The following SCN8A variants were observed in gnomAD, a reference collection of about 807,000 sequenced individuals.
SCN8A encodes the protein sodium voltage-gated channel alpha subunit 8, also known as sodium channel protein type 8 subunit alpha.
Under a neutral mutation model 184.1 loss-of-function variants are expected in SCN8A, and 30 were observed. That is an observed-to-expected ratio of 0.16 (90% CI 0.12 to 0.22). The LOEUF is 0.22. SCN8A is among the 10% of genes least tolerant of loss of function. The probability of loss-of-function intolerance (pLI) is 1.00; values close to 1 mark genes in which losing one functional copy is unlikely to be tolerated. For synonymous variants in SCN8A, 852 were observed against 907.0 expected, an observed-to-expected ratio of 0.94 and a Z score of 1.09; for missense variants, 1,057 against 2,498.9, an observed-to-expected ratio of 0.42 and a Z score of 12.30.
intron 8 of SCN8A, among the ~76,000 whole-genome samples, chr12:51,701,930 TGA>T (rs1435075478): frequency 6.6e-6 from 1 of 152,184 alleles, no homozygotes; most frequent in Non-Finnish European, 1.5e-5. Flanking sequence ...GAAAGAAATA[TGA>T]GATGAATCTA....
At chr12:51,620,491 ACT>A (rs776194044) in intron 1 of SCN8A, among the ~76,000 whole-genome samples, 21 of 152,068 alleles carry the variant, frequency 1.4e-4, no homozygotes, top group East Asian at 9.7e-4. Flanking sequence ...TCTTTATATA[ACT>A]CTATATTTGA....
intron 1 of SCN8A, among the ~76,000 whole-genome samples, chr12:51,613,180 A>T (rs957523586): frequency 3.3e-5 from 5 of 152,160 alleles, no homozygotes; most frequent in African/African-American, 1.2e-4. Context: ...CTTTAACATT[A>T]AAAAAATATT....
intron 6 of SCN8A, among the ~76,000 whole-genome samples, chr12:51,694,306 G>A (rs1941558726): frequency 1.3e-5 from 2 of 152,176 alleles, no homozygotes; most frequent in African/African-American, 4.8e-5. Flanking sequence ...TGATTTTTCT[G>A]GACATAGCAC....
chr12:51,792,456 T>G (rs1307630044), intron 25 of SCN8A, among the ~76,000 whole-genome samples: 1 of 122,750 alleles, frequency 8.1e-6, no homozygotes, highest in African/African-American at 3.2e-5. Context: ...GCCACTGCAC[T>G]CCAGCCTGGG....
At chr12:51,621,871 A>G (rs1939970427) in intron 1 of SCN8A, among the ~76,000 whole-genome samples, 1 of 152,210 alleles carries the variant, frequency 6.6e-6, no homozygotes, top group Non-Finnish European at 1.5e-5. Flanking sequence ...CAAAGAAAGA[A>G]TGTGTACGCC....
Position 51,688,914 on chromosome 12 carries a change from T to A in SCN8A, c.615-91T>A. The A allele has an allele frequency of 1.9e-6, 3 of 1,570,658 alleles. No individual in the cohort carries two copies. In the South Asian group the frequency reaches 3.3e-5, roughly 17 times the overall value. On this transcript the variant is annotated intron_variant, in intron 5 of 26. Coordinates refer to ENST00000627620, the MANE Select transcript of SCN8A (RefSeq NM_001330260.2). Reference sequence around the variant, plus strand: ...GCCCTGACGTGACGTATTGTACTTTTTGTTTTGTTGTGGTTTTGTTTTTTC... The same window carrying A: ...GCCCTGACGTGACGTATTGTACTTTATGTTTTGTTGTGGTTTTGTTTTTTC...
At chr12:51,638,071 A>G (rs1940358064) in intron 1 of SCN8A, among the ~76,000 whole-genome samples, 2 of 152,210 alleles carry the variant, frequency 1.3e-5, no homozygotes, top group South Asian at 4.1e-4. Context: ...AAATGGAACA[A>G]CAAGGCCTAG....
chr12:51,740,605 G>A (rs1942406884), intron 12 of SCN8A, among the ~76,000 whole-genome samples: 1 of 152,140 alleles, frequency 6.6e-6, no homozygotes, highest in South Asian at 2.1e-4. Flanking sequence ...TGTGCTAAGG[G>A]CAATAATGTG....
At chr12:51,615,409 G>A (rs1939813938) in intron 1 of SCN8A, among the ~76,000 whole-genome samples, 1 of 152,090 alleles carries the variant, frequency 6.6e-6, no homozygotes, top group African/African-American at 2.4e-5. Context: ...ACAAAAATTA[G>A]TGGGCGTGGT....
intron 26 of SCN8A, 71 bp downstream of exon 26, chr12:51,794,712 A>T: frequency 6.8e-7 from 1 of 1,463,818 alleles, no homozygotes; most frequent in Non-Finnish European, 9.4e-7. Flanking sequence ...ATTTCCCAGG[A>T]GAGGAATGAA....
intron 12 of SCN8A, among the ~76,000 whole-genome samples, chr12:51,732,475 C>T (rs921539665): frequency 3.9e-5 from 6 of 152,108 alleles, no homozygotes; most frequent in Non-Finnish European, 8.8e-5. Context: ...TACTATAGCT[C>T]CGTTGTATAA....
chr12:51,596,097 G>A (rs1217848746), intron 1 of SCN8A, among the ~76,000 whole-genome samples: 2 of 152,188 alleles, frequency 1.3e-5, no homozygotes, highest in African/African-American at 4.8e-5. Context: ...AAAGGCTGAG[G>A]CCTGCCTTTA....
At chr12:51,755,625 A>T (rs1942661694) in intron 14 of SCN8A, among the ~76,000 whole-genome samples, 1 of 151,628 alleles carries the variant, frequency 6.6e-6, no homozygotes, top group Non-Finnish European at 1.5e-5. Flanking sequence ...CAAAATAGAA[A>T]ACTAAAAAAA....
At chr12:51,671,901 A>G (rs1038401220) in intron 2 of SCN8A, among the ~76,000 whole-genome samples, 1 of 152,176 alleles carries the variant, frequency 6.6e-6, no homozygotes, top group Non-Finnish European at 1.5e-5. Flanking sequence ...GACACTGTTG[A>G]GCCTGCAAAG....
At chr12:51,732,473 C>T (rs555608203) in intron 12 of SCN8A, among the ~76,000 whole-genome samples, 1 of 152,268 alleles carries the variant, frequency 6.6e-6, no homozygotes, top group South Asian at 2.1e-4. Flanking sequence ...GTTACTATAG[C>T]TCCGTTGTAT....
intron 1 of SCN8A, among the ~76,000 whole-genome samples, chr12:51,635,620 C>A (rs982031729): frequency 6.6e-6 from 1 of 152,084 alleles, no homozygotes; most frequent in Non-Finnish European, 1.5e-5. Context: ...GTGAGTAATT[C>A]TCTCTGGAAC....
At chr12:51,595,118 A>G (rs185887779) in intron 1 of SCN8A, among the ~76,000 whole-genome samples, 16 of 152,326 alleles carry the variant, frequency 1.1e-4, no homozygotes, top group African/African-American at 3.6e-4. Context: ...CCTACTATAT[A>G]TAAGGCACTG....
At chr12:51,787,897 G>A (rs181063317) in intron 22 of SCN8A, among the ~76,000 whole-genome samples, 5 of 152,118 alleles carry the variant, frequency 3.3e-5, no homozygotes, top group East Asian at 1.9e-4. Context: ...AATTGAATCC[G>A]CATTGGAGCA....
At chr12:51,657,810 G>C (rs999566762) in intron 1 of SCN8A, among the ~76,000 whole-genome samples, 5 of 151,942 alleles carry the variant, frequency 3.3e-5, no homozygotes, top group Non-Finnish European at 4.4e-5. Context: ...TGAGAGATAG[G>C]GTTCCAGTTT....
Sources: gnomAD v4.1 joint callset for allele counts (sites outside exome capture counted in the v4.1 genomes callset) on GRCh38, gnomAD v4.1.1 for gene constraint, MANE v1.5 for transcripts, NCBI Gene and HGNC (gene_info 2026-07-23, HGNC 2026-07-21) for gene names.